The following POLR3G variants were observed in gnomAD, a reference collection of about 807,000 sequenced individuals.
The protein encoded by POLR3G is RNA polymerase III subunit G, also known as DNA-directed RNA polymerase III subunit RPC7.
Under a neutral mutation model 30.1 loss-of-function variants are expected in POLR3G, and 28 were observed. The ratio of observed to expected loss-of-function variants is 0.93; its 90% confidence interval spans 0.69 to 1.27. The LOEUF is 1.27. Ranked by LOEUF, POLR3G falls within the 50% of genes most tolerant of loss-of-function variation. The probability of loss-of-function intolerance (pLI) is 0.00; values close to 1 mark genes in which losing one functional copy is unlikely to be tolerated. For synonymous variants in POLR3G, 79 were observed against 82.5 expected, an observed-to-expected ratio of 0.96 and a Z score of 0.23; for missense variants, 254 against 264.6, an observed-to-expected ratio of 0.96 and a Z score of 0.28.
chr5:90,478,701 C>T (rs1431035311), intron 1 of POLR3G, among the ~76,000 whole-genome samples: 16 of 150,806 alleles, frequency 1.1e-4, no homozygotes, highest in Admixed American at 6.6e-4. Context: ...GGACTACAGG[C>T]GCGTGCCACC....
At chr5:90,479,585 C>T (rs1751022042) in intron 1 of POLR3G, among the ~76,000 whole-genome samples, 1 of 152,066 alleles carries the variant, frequency 6.6e-6, no homozygotes, top group Admixed American at 6.5e-5. Context: ...ACAAGTGTGG[C>T]AACATATATC....
chr5:90,511,899 G>T (rs1259604758), intron 7 of POLR3G, among the ~76,000 whole-genome samples, 154 bp from the exon 8 acceptor site: 1 of 152,168 alleles, frequency 6.6e-6, no homozygotes, highest in Non-Finnish European at 1.5e-5. Context: ...AGAGTGGAAG[G>T]TGGTGGTCTT....
chr5:90,482,693 A>G (rs1751202915), intron 1 of POLR3G, among the ~76,000 whole-genome samples: 1 of 152,192 alleles, frequency 6.6e-6, no homozygotes, highest in Non-Finnish European at 1.5e-5. Context: ...GGCACTACCC[A>G]GATCGATTAA....
At chr5:90,473,931 G>T, upstream of POLR3G, 1 of 1,605,444 alleles carries the variant, frequency 6.2e-7, no homozygotes, top group South Asian at 1.1e-5. Flanking sequence ...CTCGCTATCG[G>T]AAAGCCAGGT....
intron 5 of POLR3G, among the ~76,000 whole-genome samples, chr5:90,498,057 C>T (rs369793116): frequency 6.6e-6 from 1 of 152,128 alleles, no homozygotes. Context: ...CTGCAATTAG[C>T]CTAAACTGCA....
At chr5:90,474,351 G>C, upstream of POLR3G, 1 of 1,487,534 alleles carries the variant, frequency 6.7e-7, no homozygotes, top group African/African-American at 1.4e-5. Flanking sequence ...CCCACAGGCT[G>C]TCCACACACA....
upstream of POLR3G, chr5:90,474,157 T>A (rs142019986): frequency 1.0e-3 from 1,643 of 1,598,494 alleles, 2 homozygotes; most frequent in Middle Eastern, 1.5e-3. Flanking sequence ...CCCAGGCCTG[T>A]ATCGATCACC....
chr5:90,475,476 T>A lies in POLR3G; in HGVS notation c.-44+456T>A, dbSNP rs550700263. 8.0e-3 allele frequency among the ~76,000 whole-genome samples: 251 copies of A among 31,564 alleles called. 1 individual carries two copies. The highest frequency in any genetic ancestry group is 0.024 in the Admixed American group (70 of 2,890). 20.7% of individuals were successfully genotyped at this position (31,564 alleles called of 152,430 possible). A position where few individuals can be genotyped will look rare whatever the true frequency, so the allele number is the denominator to read the frequency against. On this transcript the variant is annotated intron_variant, in intron 1 of 7. Coordinates refer to ENST00000651687, the MANE Select transcript of POLR3G (RefSeq NM_006467.3). ...TAAAATTCTATATCCACCCTTTTTT[T>A]AATTTTATTATTATTTATTTATTTA...
At chr5:90,475,523 G>A (rs1750762162) in intron 1 of POLR3G, among the ~76,000 whole-genome samples, 1 of 148,900 alleles carries the variant, frequency 6.7e-6, no homozygotes, top group Non-Finnish European at 1.5e-5. Flanking sequence ...TGGTTTGTCT[G>A]CCCTTGGAAG....
At chr5:90,494,995 C>T (rs1421187825) in intron 3 of POLR3G, among the ~76,000 whole-genome samples, 2 of 152,012 alleles carry the variant, frequency 1.3e-5, no homozygotes, top group Non-Finnish European at 2.9e-5. Context: ...GTGCTGACTT[C>T]GTTTTATAGA....
rs1041154744 is a variant in POLR3G, at chr5:90,513,102, C to T, written c.*963C>T. On this transcript the variant is annotated 3_prime_UTR_variant, in exon 8 of 8. Transcript: ENST00000651687. ...TTGTTGTTTAACTTTAAAGCTAGCTCCCCTAACTTTATATATTTTTTGGGA... is the reference window on the plus strand; with the variant it reads ...TTGTTGTTTAACTTTAAAGCTAGCTTCCCTAACTTTATATATTTTTTGGGA... 1.3e-5 allele frequency: 2 copies of T among 152,172 alleles called. No individual in the cohort carries two copies. The highest frequency in any genetic ancestry group is 1.5e-5 in the Non-Finnish European group (1 of 67,946). The allele number at this position is 152,172 out of a possible 1,614,324, so 9.4% of individuals were successfully genotyped here.
At chr5:90,474,279 T>G (rs140938524), upstream of POLR3G, 3 of 1,613,002 alleles carry the variant, frequency 1.9e-6, no homozygotes, top group Non-Finnish European at 1.7e-6. Context: ...GGCGTACCAC[T>G]CGAGCGCCGA....
rs1428544371 is a variant in POLR3G at position 90,485,859 on chromosome 5, A to G, written c.117+175A>G. 2.0e-5 allele frequency among the ~76,000 whole-genome samples: 3 copies of G among 152,234 alleles called. No individual in the cohort carries two copies. In the East Asian group the frequency reaches 5.8e-4, roughly 29 times the overall value. On this transcript the variant is annotated intron_variant, in intron 2 of 7. Coordinates refer to ENST00000651687, the MANE Select transcript of POLR3G (RefSeq NM_006467.3). The stretch of plus-strand genomic sequence containing the variant: ...CATGATCTGCTTTCTTAAAATATAG[A>G]AAACAAAACTGTATACATCTTTCCA...
intron 5 of POLR3G, among the ~76,000 whole-genome samples, chr5:90,501,079 A>ACATGCT (rs1167208129): frequency 6.6e-6 from 1 of 152,144 alleles, no homozygotes; most frequent in Non-Finnish European, 1.5e-5. Context: ...TATTTCACTT[A>ACATGCT]CATGCTTTTG....
At chr5:90,480,959 T>G (rs2151899344) in intron 1 of POLR3G, among the ~76,000 whole-genome samples, 1 of 152,342 alleles carries the variant, frequency 6.6e-6, no homozygotes, top group South Asian at 2.1e-4. Context: ...TTTCCTGCTT[T>G]TTTAATGTAG....
chr5:90,490,905 CAGAG>C (rs1289178546), intron 3 of POLR3G: 1 of 159,550 alleles, frequency 6.3e-6, no homozygotes, highest in Non-Finnish European at 1.4e-5. Context: ...ACCCTACTGT[CAGAG>C]AGAATCATAT....
At chr5:90,492,961 A>C (rs1216973653) in intron 3 of POLR3G, among the ~76,000 whole-genome samples, 1 of 152,198 alleles carries the variant, frequency 6.6e-6, no homozygotes, top group East Asian at 1.9e-4. Flanking sequence ...GATAAGCTAG[A>C]TTCTACTAGA....
intron 3 of POLR3G, among the ~76,000 whole-genome samples, chr5:90,493,146 T>C (rs1192107973): frequency 6.6e-6 from 1 of 152,238 alleles, no homozygotes; most frequent in African/African-American, 2.4e-5. Flanking sequence ...TTCAAATGAC[T>C]TTGCCCATTT....
At chr5:90,503,119 GC>G (rs1752331036) in intron 6 of POLR3G, among the ~76,000 whole-genome samples, 1 of 152,146 alleles carries the variant, frequency 6.6e-6, no homozygotes, top group Non-Finnish European at 1.5e-5. Flanking sequence ...GACAGTAACA[GC>G]TAACACTTTA....
Sources: gnomAD v4.1 joint callset for allele counts (sites outside exome capture counted in the v4.1 genomes callset) on GRCh38, gnomAD v4.1.1 for gene constraint, MANE v1.5 for transcripts, NCBI Gene and HGNC (gene_info 2026-07-23, HGNC 2026-07-21) for gene names.